CTNNA3: variants seen among roughly 807,000 people sequenced by gnomAD.
CTNNA3 encodes catenin alpha-3.
CTNNA3 carries 76 observed loss-of-function variants against 95.7 expected under a neutral mutation model. The ratio of observed to expected loss-of-function variants is 0.79; its 90% CI spans 0.66 to 0.96. The LOEUF (loss-of-function observed/expected upper bound fraction) is 0.96. Ranked by LOEUF, CTNNA3 falls within the 40% of genes least tolerant of loss-of-function variation. CTNNA3 has a pLI of 0.00. For missense variants in CTNNA3, 1,191 were observed against 1,089.8 expected (o/e 1.09, Z -1.31); for synonymous variants, 431 against 374.4 (o/e 1.15, Z -1.74).
At chr10:67,381,739 C>A (rs1196999807) in intron 5 of CTNNA3, among the ~76,000 whole-genome samples, 1 of 152,226 alleles carries the variant, frequency 6.6e-6, no homozygotes, top group African/African-American at 2.4e-5. Context: ...TATATAGGCA[C>A]TTTCAAAGGA....
intron 7 of CTNNA3, among the ~76,000 whole-genome samples, chr10:67,056,880 A>G (rs1855463695): frequency 6.6e-6 from 1 of 152,170 alleles, no homozygotes; most frequent in Non-Finnish European, 1.5e-5. Flanking sequence ...CATCAATATC[A>G]AGTGAGAGAG....
At chr10:67,519,468 C>T (rs1839917967) in intron 5 of CTNNA3, among the ~76,000 whole-genome samples, 1 of 152,156 alleles carries the variant, frequency 6.6e-6, no homozygotes, top group African/African-American at 2.4e-5. Flanking sequence ...ATCCAGGAAA[C>T]CAAAGGCTTA....
rs963074806 is a variant in CTNNA3 at position 66,600,894 on chromosome 10, T to C, written c.1374+20798A>G. On this transcript the variant is annotated intron_variant, in intron 10 of 17. Coordinates refer to ENST00000433211, the MANE Select transcript of CTNNA3 (RefSeq NM_013266.4). The stretch of plus-strand genomic sequence containing the variant: ...CAGCAAGGGGTAGTAGAAAAGTCTA[T>C]GTTCTTTGGAGAATTACACAATTAT... Among the ~76,000 whole-genome samples the C allele has an allele frequency of 7.2e-5, 11 of 152,028 alleles. No individual in the cohort carries two copies. The East Asian group carries it at 1.7e-3, about 24-fold the overall frequency.
chr10:66,228,070 G>C (rs1803388978), intron 13 of CTNNA3, among the ~76,000 whole-genome samples: 1 of 151,694 alleles, frequency 6.6e-6, no homozygotes. Context: ...TTCTTTGTTT[G>C]TCTCACTAAC....
chr10:66,233,493 C>T (rs2089694171), intron 13 of CTNNA3, among the ~76,000 whole-genome samples: 1 of 152,092 alleles, frequency 6.6e-6, no homozygotes, highest in Non-Finnish European at 1.5e-5. Flanking sequence ...AATCAGATAA[C>T]TTATTTATGA....
At chr10:67,382,548 C>T (rs1335070543) in intron 5 of CTNNA3, among the ~76,000 whole-genome samples, 4 of 152,064 alleles carry the variant, frequency 2.6e-5, no homozygotes, top group Admixed American at 1.3e-4. Flanking sequence ...TTGTTATGAT[C>T]TTCTTGACAA....
At chr10:66,031,720 T>G (rs1376598944) in intron 15 of CTNNA3, among the ~76,000 whole-genome samples, 1 of 152,174 alleles carries the variant, frequency 6.6e-6, no homozygotes, top group East Asian at 1.9e-4. Context: ...GTTGAAATTT[T>G]AAAACATGTA....
chr10:67,147,802 G>C (rs1207526149), intron 7 of CTNNA3, among the ~76,000 whole-genome samples: 1 of 152,124 alleles, frequency 6.6e-6, no homozygotes, highest in East Asian at 1.9e-4. Flanking sequence ...TGAAAAAAAT[G>C]TGTAAACATT....
chr10:66,779,910 AAC>A (rs932753040), intron 7 of CTNNA3, among the ~76,000 whole-genome samples: 38 of 152,152 alleles, frequency 2.5e-4, no homozygotes, highest in African/African-American at 8.4e-4. Context: ...GATAGACATA[AAC>A]ACAGTAGTTT....
chr10:67,058,951 G>A (rs567654747), intron 7 of CTNNA3, among the ~76,000 whole-genome samples: 1 of 152,222 alleles, frequency 6.6e-6, no homozygotes, highest in South Asian at 2.1e-4. Flanking sequence ...ACCAAAAAAA[G>A]GCAAGAAATT....
intron 5 of CTNNA3, among the ~76,000 whole-genome samples, chr10:67,305,672 A>C (rs939222894): frequency 2.0e-5 from 3 of 152,182 alleles, no homozygotes; most frequent in Non-Finnish European, 4.4e-5. Flanking sequence ...ATACCATTAC[A>C]GTTAAAAAAA....
At chr10:66,981,619 T>G (rs115675035) in intron 7 of CTNNA3, among the ~76,000 whole-genome samples, 17 of 152,220 alleles carry the variant, frequency 1.1e-4, no homozygotes, top group Non-Finnish European at 1.8e-4. Context: ...GCATCTGTGG[T>G]TAATTTTTAG....
intron 13 of CTNNA3, among the ~76,000 whole-genome samples, chr10:66,193,795 C>T (rs2086803505): frequency 1.3e-5 from 2 of 152,228 alleles, no homozygotes; most frequent in Admixed American, 6.5e-5. Context: ...CTGGGCTATA[C>T]TCTGTTTGCT....
chr10:66,647,539 C>G (rs1327916644), intron 9 of CTNNA3, among the ~76,000 whole-genome samples: 14 of 144,970 alleles, frequency 9.7e-5, no homozygotes, highest in Admixed American at 9.0e-4. Flanking sequence ...GAGACAGAGT[C>G]TTGCTCTGTC....
intron 9 of CTNNA3, among the ~76,000 whole-genome samples, chr10:66,625,417 C>G (rs1289322854): frequency 6.6e-6 from 1 of 152,054 alleles, no homozygotes; most frequent in African/African-American, 2.4e-5. Context: ...GAGACCAAGT[C>G]TCACTAGGTC....
intron 14 of CTNNA3, among the ~76,000 whole-genome samples, chr10:66,079,773 A>G (rs2080680324): frequency 6.6e-6 from 1 of 152,014 alleles, no homozygotes; most frequent in African/African-American, 2.4e-5. Flanking sequence ...CTTCCATTGA[A>G]AACCAGATGC....
chr10:67,599,118 T>A (rs1843006728), intron 3 of CTNNA3, among the ~76,000 whole-genome samples: 1 of 152,148 alleles, frequency 6.6e-6, no homozygotes, highest in Admixed American at 6.6e-5. Flanking sequence ...AAAGACTATG[T>A]CCCAGGACTA....
At chr10:66,886,277 C>A (rs1005468642) in intron 7 of CTNNA3, among the ~76,000 whole-genome samples, 1 of 152,040 alleles carries the variant, frequency 6.6e-6, no homozygotes, top group Non-Finnish European at 1.5e-5. Context: ...TCTCTTATTG[C>A]GAGAAACCCA....
chr10:67,058,845 C>A (rs1336388737), intron 7 of CTNNA3, among the ~76,000 whole-genome samples: 1 of 152,162 alleles, frequency 6.6e-6, no homozygotes, highest in Non-Finnish European at 1.5e-5. Context: ...TTCTTAGACA[C>A]ATATCAATTT....
Sources: allele counts gnomAD v4.1 joint callset (sites outside exome capture counted in the v4.1 genomes callset), GRCh38; gene constraint gnomAD v4.1.1; transcripts MANE v1.5; gene names NCBI Gene and HGNC (gene_info 2026-07-23, HGNC 2026-07-21).